Variants in MKLN1 observed in about 807,000 individuals in gnomAD.
The protein encoded by MKLN1 is muskelin 1.
In MKLN1, 18 loss-of-function variants were observed where a neutral mutation model predicts 99.0. The observed-to-expected ratio is 0.18, with a 90% CI of 0.13 to 0.27. The LOEUF (loss-of-function observed/expected upper bound fraction) is 0.27, where lower values mean the gene tolerates loss of function less well. MKLN1 is among the 10% of genes least tolerant of loss of function. The pLI is 1.00. For missense variants in MKLN1, 621 were observed against 875.9 expected (o/e 0.71, Z 3.67); for synonymous variants, 288 against 293.2 (o/e 0.98, Z 0.18).
At chr7:131,265,150 T>C (rs2116544781) in intron 3 of MKLN1, among the ~76,000 whole-genome samples, 1 of 152,204 alleles carries the variant, frequency 6.6e-6, no homozygotes, top group Non-Finnish European at 1.5e-5. Context: ...TGTTCTGTAA[T>C]TTTTAAAGAT....
intron 1 of MKLN1, among the ~76,000 whole-genome samples, chr7:131,371,020 T>G (rs1169029673): frequency 6.6e-6 from 1 of 152,212 alleles, no homozygotes; most frequent in East Asian, 1.9e-4. Context: ...TATTTCTTTT[T>G]AATTTTCCTT....
chr7:131,127,096 C>T (rs1422729194), intron 1 of MKLN1, among the ~76,000 whole-genome samples: 1 of 148,742 alleles, frequency 6.7e-6, no homozygotes, highest in Non-Finnish European at 1.5e-5. Flanking sequence ...GCCTGGGAGG[C>T]GGAGGCTGCG....
chr7:131,386,255 G>A lies in MKLN1; in HGVS notation c.169-865G>A, dbSNP rs371214032. Among the ~76,000 whole-genome samples the A allele has an allele frequency of 3.9e-5, 6 of 152,026 alleles. No homozygotes were observed. The South Asian group carries it at 6.2e-4, about 16-fold the overall frequency. On this transcript the variant is annotated intron_variant, in intron 2 of 17. Coordinates refer to ENST00000352689, the MANE Select transcript of MKLN1 (RefSeq NM_013255.5). ...TCTCAAACCCCTGACCTTGTGATCC[G>A]CCCACCTCGGCCTCCCAAAGTGCTG...
chr7:131,292,463 GC>G (rs1798235512), intron 3 of MKLN1, among the ~76,000 whole-genome samples: 2 of 152,148 alleles, frequency 1.3e-5, no homozygotes, highest in Non-Finnish European at 2.9e-5. Flanking sequence ...CCCAGAATGT[GC>G]CCTTATTTGG....
At position 131,488,599 on chromosome 7, in the gene MKLN1, C is replaced by G. The variant is rs1284173114; in HGVS notation, c.*871C>G. On this transcript the variant is annotated 3_prime_UTR_variant, in exon 18 of 18. Transcript: ENST00000352689. ...ATAGCAATTTTAGGAGAAAATGACT[C>G]TTTCGTCCAGAAGAGCTCTGCAGAA... The G allele has an allele frequency of 6.6e-6, 1 of 152,510 alleles. No homozygotes were observed. The allele number at this position is 152,510 out of a possible 1,614,324, so 9.4% of individuals were successfully genotyped here.
At chr7:131,152,530 C>G (rs1489737813) in intron 2 of MKLN1, among the ~76,000 whole-genome samples, 1 of 143,310 alleles carries the variant, frequency 7.0e-6, no homozygotes, top group Non-Finnish European at 1.5e-5. Context: ...GACGGAGTCT[C>G]GCTCTGTCAC....
chr7:131,126,667 C>T (rs1795466409), intron 1 of MKLN1, among the ~76,000 whole-genome samples: 1 of 152,182 alleles, frequency 6.6e-6, no homozygotes, highest in African/African-American at 2.4e-5. Flanking sequence ...AATTCTCCTG[C>T]CTCAGCCTCC....
At chr7:131,190,878 G>A (rs1796528583) in intron 2 of MKLN1, among the ~76,000 whole-genome samples, 1 of 152,182 alleles carries the variant, frequency 6.6e-6, no homozygotes, top group Admixed American at 6.5e-5. Flanking sequence ...TCTGTTGCTG[G>A]AAAAAGCAAC....
intron 3 of MKLN1, among the ~76,000 whole-genome samples, chr7:131,265,872 G>A (rs1441557696): frequency 6.6e-6 from 1 of 152,118 alleles, no homozygotes; most frequent in Non-Finnish European, 1.5e-5. Flanking sequence ...CCAACTCATT[G>A]TGAAGACTTC....
chr7:131,174,932 C>A (rs1796270386), intron 2 of MKLN1, among the ~76,000 whole-genome samples: 1 of 151,834 alleles, frequency 6.6e-6, no homozygotes, highest in Admixed American at 6.6e-5. Flanking sequence ...CCACTTGTCT[C>A]CCTCCCTGAT....
chr7:131,353,349 T>G (rs1195694745), intron 1 of MKLN1, among the ~76,000 whole-genome samples: 1 of 152,174 alleles, frequency 6.6e-6, no homozygotes, highest in Non-Finnish European at 1.5e-5. Flanking sequence ...CTCTAATGGC[T>G]AGTAATGTTG....
At chr7:131,364,618 C>G (rs1202279715) in intron 1 of MKLN1, among the ~76,000 whole-genome samples, 2 of 152,054 alleles carry the variant, frequency 1.3e-5, no homozygotes, top group African/African-American at 4.8e-5. Context: ...TTCTGCTCTT[C>G]TCATTCCTCC....
chr7:131,445,455 C>T (rs1795984117), intron 11 of MKLN1, among the ~76,000 whole-genome samples: 1 of 152,112 alleles, frequency 6.6e-6, no homozygotes, highest in Non-Finnish European at 1.5e-5. Flanking sequence ...CTTTTCCCCT[C>T]TCTCACATTC....
intron 3 of MKLN1, among the ~76,000 whole-genome samples, chr7:131,301,080 G>A (rs756524453): frequency 1.3e-4 from 20 of 152,174 alleles, no homozygotes; most frequent in Non-Finnish European, 2.4e-4. Context: ...GTACAAAAAT[G>A]TTGATACCTA....
chr7:131,249,002 C>A (rs1444581188), intron 3 of MKLN1, among the ~76,000 whole-genome samples: 1 of 152,230 alleles, frequency 6.6e-6, no homozygotes, highest in Non-Finnish European at 1.5e-5. Flanking sequence ...CCTGGAGAAA[C>A]ATAACTGGTC....
chr7:131,261,083 G>T (rs1243144009), intron 3 of MKLN1, among the ~76,000 whole-genome samples: 1 of 152,156 alleles, frequency 6.6e-6, no homozygotes, highest in African/African-American at 2.4e-5. Flanking sequence ...CATAGGCCCT[G>T]GCAAAAATTT....
chr7:131,161,591 G>A lies in MKLN1; in HGVS notation c.-297+18650G>A, dbSNP rs1016435189. Among the ~76,000 whole-genome samples, 12 of 151,870 alleles carry A rather than the reference G, an allele frequency of 7.9e-5. No individual in the cohort carries two copies. In the East Asian group the frequency reaches 1.9e-3, roughly 24 times the overall value. On this transcript the variant is annotated intron_variant, in intron 2 of 7. Coordinates refer to the MKLN1 transcript ENST00000416992. ...TTTTGAGACGGAGTCTCGCTCTGTC[G>A]CCCAGGCTGGAGTGCAGTGGTGCGA...
intron 1 of MKLN1, among the ~76,000 whole-genome samples, chr7:131,117,642 C>T (rs1360524567): frequency 1.3e-5 from 2 of 152,146 alleles, no homozygotes; most frequent in Admixed American, 1.3e-4. Flanking sequence ...AGACAGTTTA[C>T]ATTTTTTGGT....
At chr7:131,350,801 T>C (rs917900624) in intron 1 of MKLN1, among the ~76,000 whole-genome samples, 4 of 152,136 alleles carry the variant, frequency 2.6e-5, no homozygotes, top group African/African-American at 9.7e-5. Flanking sequence ...CTACACTCAA[T>C]GAGATGAAAT....
Sources: gnomAD v4.1 joint callset for allele counts (sites outside exome capture counted in the v4.1 genomes callset) on GRCh38, gnomAD v4.1.1 for gene constraint, MANE v1.5 for transcripts, NCBI Gene and HGNC (gene_info 2026-07-23, HGNC 2026-07-21) for gene names.